CREBBP: variants seen among roughly 807,000 people sequenced by gnomAD.
CREBBP encodes CREB binding lysine acetyltransferase.
CREBBP carries 19 observed loss-of-function variants against 265.0 expected under a neutral mutation model. The ratio of observed to expected loss-of-function variants is 0.07; its 90% CI spans 0.05 to 0.11. The LOEUF is 0.11. Among genes scored for constraint, CREBBP ranks in the 10% least tolerant of loss-of-function variants. The pLI, the probability that CREBBP is intolerant of heterozygous loss-of-function variation, is 1.00. For missense variants in CREBBP, 2,525 were observed against 3,219.0 expected (o/e 0.78, Z 5.22); for synonymous variants, 1,457 against 1,223.7 (o/e 1.19, Z -3.98).
At chr16:3,750,666 G>A (rs937796974) in intron 20 of CREBBP, among the ~76,000 whole-genome samples, 3 of 152,204 alleles carry the variant, frequency 2.0e-5, no homozygotes, top group Non-Finnish European at 4.4e-5. Context: ...TTAACCCTGT[G>A]CAGGAGTGAA....
At chr16:3,833,349 T>C (rs1033720105) in intron 2 of CREBBP, among the ~76,000 whole-genome samples, 1 of 152,116 alleles carries the variant, frequency 6.6e-6, no homozygotes. Flanking sequence ...GAGGTGGAGG[T>C]TGCAGTGAGG....
At chr16:3,785,852 G>A (rs1005222934) in intron 5 of CREBBP, among the ~76,000 whole-genome samples, 6 of 152,176 alleles carry the variant, frequency 3.9e-5, no homozygotes, top group African/African-American at 9.7e-5. Context: ...CACTAACACA[G>A]TGGCTGGGTT....
At chr16:3,753,627 G>A (rs1454497573) in intron 19 of CREBBP, among the ~76,000 whole-genome samples, 3 of 151,870 alleles carry the variant, frequency 2.0e-5, no homozygotes, top group African/African-American at 4.8e-5. Context: ...CCTAAAATCC[G>A]GTATGAAGAA....
rs35861892 is a variant in CREBBP, at chr16:3,760,391, G to GTTTT, written c.3251-1423_3251-1420dup. Among the ~76,000 whole-genome samples the GTTTT allele has an allele frequency of 1.3e-3, 98 of 75,944 alleles. 8 individuals are homozygous for GTTTT. The highest frequency in any genetic ancestry group is 4.2e-3 in the African/African-American group (83 of 20,000). 49.8% of individuals were successfully genotyped at this position (75,944 alleles called of 152,430 possible). On this transcript the variant is annotated intron_variant, in intron 16 of 30. Coordinates refer to ENST00000262367, the MANE Select transcript of CREBBP (RefSeq NM_004380.3). ...ACGGGCACTAAGCTATCATGCCCAG[G>GTTTT]TTTTTTTTTTTTTTTTTTTTTTTTT...
chr16:3,753,369 G>A (rs1237745119), intron 19 of CREBBP, among the ~76,000 whole-genome samples: 3 of 152,140 alleles, frequency 2.0e-5, no homozygotes, highest in Admixed American at 6.5e-5. Context: ...TACAACTTCA[G>A]TGCATGCACA....
Position 3,729,585 on chromosome 16 carries a change from T to G in CREBBP, c.5462A>C (p.Gln1821Pro), listed in dbSNP as rs1448187215. The G allele has an allele frequency of 6.2e-7, 1 of 1,614,200 alleles. No individual in the cohort carries two copies. Among genetic ancestry groups the G allele is most frequent in the Non-Finnish European group, 8.5e-7 (1 of 1,180,012 alleles). Residue 1821 changes from glutamine to proline, a missense_variant, in exon 31 of 31, where the codon CAG becomes CCG. Physicochemically the swap from Gln to Pro is moderately conservative, Grantham distance 76. This residue lies in a region of CREBBP where 53 missense variants were observed against 146.3 expected (regional missense o/e 0.36). Coordinates refer to ENST00000262367, the MANE Select transcript of CREBBP (RefSeq NM_004380.3). ...KTNGGCPVCK[Q>P]LIALCCYHAK... ...GTGGTAGCAGCAGAGGGCGATGAGC[T>G]GCTTGCACACCGGGCAGCCCCCGTT... is the stretch of plus-strand genomic sequence containing the variant.
chr16:3,864,678 TGA>T (rs1284034868), intron 1 of CREBBP, among the ~76,000 whole-genome samples: 1 of 151,854 alleles, frequency 6.6e-6, no homozygotes, highest in Non-Finnish European at 1.5e-5. Flanking sequence ...CACCATAAAA[TGA>T]GAGAATTCAG....
intron 8 of CREBBP, among the ~76,000 whole-genome samples, chr16:3,780,124 C>T (rs1001604981): frequency 6.6e-6 from 1 of 151,690 alleles, no homozygotes. Flanking sequence ...TGCTTGTAAT[C>T]CCAGGTACTC....
intron 3 of CREBBP, among the ~76,000 whole-genome samples, chr16:3,807,297 A>T (rs367844339): frequency 6.6e-6 from 1 of 152,200 alleles, no homozygotes; most frequent in East Asian, 1.9e-4. Flanking sequence ...CACTCCAGGA[A>T]AGAGCTGCAG....
At chr16:3,741,193 C>T (rs770460383) in intron 23 of CREBBP, 6 of 166,672 alleles carry the variant, frequency 3.6e-5, no homozygotes, top group African/African-American at 7.2e-5. Flanking sequence ...GGAGGGCTAC[C>T]GTCACAGGAG....
At position 3,793,608 on chromosome 16, in the gene CREBBP, C is replaced by G. The variant is rs1414509050; in HGVS notation, c.994G>C (p.Val332Leu). The part of the protein sequence containing the change: ...VPNMSQMQTS[V>L]GIVPTQAIAT... ...ATTGCTTGTGTGGGTACAATTCCCA[C>G]TGATGTTTGCATCTGAGACTAAAAT... Residue 332 changes from valine to leucine, a missense_variant, in exon 4 of 31, where the codon GTG becomes CTG. Transcript: ENST00000262367. 1.2e-6 allele frequency: 2 copies of G among 1,613,260 alleles called. No individual in the cohort carries two copies. The highest frequency in any genetic ancestry group is 1.7e-6 in the Non-Finnish European group (2 of 1,180,022).
intron 13 of CREBBP, among the ~76,000 whole-genome samples, chr16:3,772,328 AACACACACACACACACACACAC>A (rs34060381): frequency 6.9e-6 from 1 of 145,258 alleles, no homozygotes; most frequent in Non-Finnish European, 1.5e-5. Context: ...CTGAAACACA[AACACACACACACACACACACAC>A]ACACACACAC....
At chr16:3,839,649 TC>T (rs1234588321) in intron 2 of CREBBP, among the ~76,000 whole-genome samples, 1 of 132,026 alleles carries the variant, frequency 7.6e-6, no homozygotes, top group Non-Finnish European at 1.5e-5. Context: ...GCCATTGCAC[TC>T]CCACCTAGAC....
chr16:3,822,652 C>G (rs2054163088), intron 2 of CREBBP, among the ~76,000 whole-genome samples: 1 of 152,196 alleles, frequency 6.6e-6, no homozygotes, highest in Non-Finnish European at 1.5e-5. Flanking sequence ...CAAAGAAGAT[C>G]TTGCCCAGCT....
intron 1 of CREBBP, among the ~76,000 whole-genome samples, chr16:3,868,897 G>T (rs748615125): frequency 1.3e-5 from 2 of 152,172 alleles, no homozygotes; most frequent in Admixed American, 6.5e-5. Context: ...CTGAATAAAA[G>T]AATGAAGTGG....
chr16:3,847,599 A>G (rs375723627), intron 2 of CREBBP, among the ~76,000 whole-genome samples: 2 of 152,230 alleles, frequency 1.3e-5, no homozygotes, highest in East Asian at 3.9e-4. Context: ...CTCACTTTCC[A>G]GTGACATCCA....
rs530647311 is a variant in CREBBP, at chr16:3,878,791, G to C, written c.85+1041C>G. On this transcript the variant is annotated intron_variant, in intron 1 of 30. Coordinates refer to ENST00000262367, the MANE Select transcript of CREBBP (RefSeq NM_004380.3). ...TGGAATTGTTCGCAGCGGCACACAAGTTTTTGCGGCAAAGGAGAGAGCTCT... is the reference window on the plus strand; with the variant it reads ...TGGAATTGTTCGCAGCGGCACACAACTTTTTGCGGCAAAGGAGAGAGCTCT... 3.3e-5 allele frequency among the ~76,000 whole-genome samples: 5 copies of C among 152,304 alleles called. No individual in the cohort carries two copies. In the South Asian group the frequency reaches 1.0e-3, roughly 32 times the overall value.
Position 3,725,774 on chromosome 16 carries a change from CCTAT to C in CREBBP, c.*1940_*1943del. 4.3e-6 allele frequency: 1 copy of C among 233,278 alleles called. No homozygotes were observed. The highest frequency in any genetic ancestry group is 8.5e-6 in the Non-Finnish European group (1 of 118,038). 14.5% of individuals were successfully genotyped at this position (233,278 alleles called of 1,614,324 possible). ...AAACCAAGTATTCAGCTATTTAAAA[CCTAT>C]CTGTGAATGTAAGGGCCCAAACGGA... On this transcript the variant is annotated 3_prime_UTR_variant, in exon 31 of 31. Coordinates refer to ENST00000262367, the MANE Select transcript of CREBBP (RefSeq NM_004380.3).
Position 3,793,632 on chromosome 16 carries a change from A to G in CREBBP, c.976-6T>C, listed in dbSNP as rs1443258603. ...ACTGATGTTTGCATCTGAGACTAAA[A>G]TAAAGCAAAATAATAAAAATACTTT... On this transcript the variant is annotated splice_polypyrimidine_tract_variant and splice_region_variant and intron_variant, in intron 3 of 30. Coordinates refer to ENST00000262367, the MANE Select transcript of CREBBP (RefSeq NM_004380.3). The G allele has an allele frequency of 3.7e-6, 6 of 1,612,180 alleles. No homozygotes were observed. In the African/African-American group the frequency reaches 6.7e-5, roughly 18 times the overall value.
Sources: allele counts gnomAD v4.1 joint callset (sites outside exome capture counted in the v4.1 genomes callset), GRCh38; gene constraint gnomAD v4.1.1; regional missense constraint gnomAD v4.1.1; transcripts MANE v1.5; gene names NCBI Gene and HGNC (gene_info 2026-07-23, HGNC 2026-07-21).